The following CNBD1 variants were observed in gnomAD, a reference collection of about 807,000 sequenced individuals.
The protein encoded by CNBD1 is cyclic nucleotide-binding domain-containing protein 1.
In CNBD1, 71 loss-of-function variants were observed where a neutral mutation model predicts 54.4. The ratio of observed to expected loss-of-function variants is 1.30; its 90% CI spans 1.08 to 1.59. The LOEUF is 1.59. CNBD1 is among the 40% of genes most tolerant of loss of function. CNBD1 has a pLI of 0.00. For synonymous variants in CNBD1, 182 were observed against 170.7 expected (o/e 1.07, Z -0.51); for missense variants, 659 against 518.0 (o/e 1.27, Z -2.64).
At chr8:87,300,126 G>A (rs939158850) in intron 8 of CNBD1, among the ~76,000 whole-genome samples, 5 of 152,028 alleles carry the variant, frequency 3.3e-5, no homozygotes, top group African/African-American at 1.2e-4. Flanking sequence ...AGCATCACTT[G>A]CAGTTTAAAA....
At chr8:87,160,899 G>A (rs1362675603) in intron 4 of CNBD1, among the ~76,000 whole-genome samples, 1 of 152,044 alleles carries the variant, frequency 6.6e-6, no homozygotes, top group Non-Finnish European at 1.5e-5. Context: ...TACACATTTT[G>A]GAACTACAAC....
At chr8:87,384,712 G>A (rs775288500), downstream of CNBD1, among the ~76,000 whole-genome samples, 15 of 152,088 alleles carry the variant, frequency 9.9e-5, no homozygotes, top group East Asian at 1.9e-4. Context: ...CATGGCTCCA[G>A]GTATAAGATC....
chr8:86,917,564 T>G (rs1809206809), intron 3 of CNBD1, among the ~76,000 whole-genome samples: 1 of 152,174 alleles, frequency 6.6e-6, no homozygotes, highest in Admixed American at 6.5e-5. Flanking sequence ...CCAGTAGGAC[T>G]GATGGGTGGT....
chr8:87,235,442 A>G (rs979757871), intron 5 of CNBD1, among the ~76,000 whole-genome samples: 1 of 152,132 alleles, frequency 6.6e-6, no homozygotes, highest in Non-Finnish European at 1.5e-5. Flanking sequence ...GAACACTTAG[A>G]GGATATTTTA....
At chr8:86,912,278 G>A (rs1809111426) in intron 3 of CNBD1, among the ~76,000 whole-genome samples, 1 of 152,154 alleles carries the variant, frequency 6.6e-6, no homozygotes, top group South Asian at 2.1e-4. Flanking sequence ...TTATCAATGA[G>A]GGGTACATTT....
At chr8:87,265,306 G>C (rs553749248) in intron 6 of CNBD1, among the ~76,000 whole-genome samples, 135 of 152,110 alleles carry the variant, frequency 8.9e-4, no homozygotes, top group African/African-American at 3.1e-3. Context: ...AGATCAGATA[G>C]TTGTAGATAT....
chr8:86,903,554 A>G (rs1808970838), intron 2 of CNBD1, among the ~76,000 whole-genome samples: 1 of 152,102 alleles, frequency 6.6e-6, no homozygotes, highest in Admixed American at 6.6e-5. Flanking sequence ...AATGTGTTTT[A>G]TTAAATGGGG....
intron 2 of CNBD1, among the ~76,000 whole-genome samples, chr8:87,391,155 T>C (rs1187188652): frequency 6.6e-6 from 1 of 152,064 alleles, no homozygotes. Context: ...GAAGAGATAA[T>C]TGGTGCAGCA....
intron 4 of CNBD1, among the ~76,000 whole-genome samples, chr8:87,198,897 G>A (rs755336404): frequency 6.6e-6 from 1 of 152,206 alleles, no homozygotes; most frequent in Non-Finnish European, 1.5e-5. Flanking sequence ...TTTACAGGAA[G>A]CCTGGTGCGG....
chr8:87,026,835 A>G (rs1485255350), intron 4 of CNBD1, among the ~76,000 whole-genome samples: 1 of 152,224 alleles, frequency 6.6e-6, no homozygotes, highest in Admixed American at 6.5e-5. Flanking sequence ...ACATTAAATT[A>G]GTCTCATTTG....
At chr8:86,947,365 T>C (rs1807492619) in intron 4 of CNBD1, among the ~76,000 whole-genome samples, 1 of 152,098 alleles carries the variant, frequency 6.6e-6, no homozygotes, top group Admixed American at 6.6e-5. Context: ...TGTGTGACTC[T>C]ACCTATTTGA....
At chr8:87,214,301 C>T (rs772753955) in intron 5 of CNBD1, among the ~76,000 whole-genome samples, 31 of 152,152 alleles carry the variant, frequency 2.0e-4, no homozygotes, top group Non-Finnish European at 4.0e-4. Flanking sequence ...GCTCAAAGTT[C>T]CACAGTCCTC....
chr8:87,401,621 C>G (rs1304640556), intron 2 of CNBD1, among the ~76,000 whole-genome samples: 1 of 152,110 alleles, frequency 6.6e-6, no homozygotes, highest in Admixed American at 6.6e-5. Flanking sequence ...GTTGCTGGGC[C>G]ATGAGAATCT....
At chr8:87,133,831 G>A (rs1812171437) in intron 4 of CNBD1, among the ~76,000 whole-genome samples, 1 of 152,036 alleles carries the variant, frequency 6.6e-6, no homozygotes, top group Non-Finnish European at 1.5e-5. Flanking sequence ...GTTTGATCTT[G>A]TATATTGAGA....
At chr8:87,189,262 T>A (rs1813548283) in intron 4 of CNBD1, among the ~76,000 whole-genome samples, 1 of 152,176 alleles carries the variant, frequency 6.6e-6, no homozygotes, top group Non-Finnish European at 1.5e-5. Flanking sequence ...ACCGAGTTTG[T>A]GATGGATGCT....
chr8:87,175,654 G>T (rs1024160591), intron 4 of CNBD1, among the ~76,000 whole-genome samples: 3 of 152,126 alleles, frequency 2.0e-5, no homozygotes, highest in African/African-American at 7.2e-5. Flanking sequence ...CTGAAGGAAG[G>T]GGTCTCTTTT....
chr8:87,085,204 ATTC>A (rs1452039418), intron 4 of CNBD1, among the ~76,000 whole-genome samples: 1 of 152,132 alleles, frequency 6.6e-6, no homozygotes, highest in African/African-American at 2.4e-5. Context: ...CATCAAAGGC[ATTC>A]TTCTTATCTG....
chr8:87,424,108 G>C (rs1466005743), intron 2 of CNBD1, among the ~76,000 whole-genome samples: 2 of 152,048 alleles, frequency 1.3e-5, no homozygotes, highest in Non-Finnish European at 2.9e-5. Flanking sequence ...TATTTCTGTG[G>C]GATTGGTGGT....
At chr8:87,060,048 T>G (rs1261200212) in intron 4 of CNBD1, among the ~76,000 whole-genome samples, 1 of 152,228 alleles carries the variant, frequency 6.6e-6, no homozygotes, top group South Asian at 2.1e-4. Context: ...CCAAGAATAG[T>G]TCCTGGGAAG....
Sources: gnomAD v4.1 joint callset for allele counts (sites outside exome capture counted in the v4.1 genomes callset) on GRCh38, gnomAD v4.1.1 for gene constraint, MANE v1.5 for transcripts, NCBI Gene and HGNC (gene_info 2026-07-23, HGNC 2026-07-21) for gene names.